The following KATNAL1 variants were observed in gnomAD, a reference collection of about 807,000 sequenced individuals.
KATNAL1 encodes katanin catalytic subunit A1 like 1, also known as katanin p60 ATPase-containing subunit A-like 1.
A neutral mutation model predicts 55.2 loss-of-function variants in KATNAL1; 32 were observed. The ratio of observed to expected loss-of-function variants is 0.58; its 90% CI spans 0.44 to 0.78. The LOEUF (loss-of-function observed/expected upper bound fraction) is 0.78, where lower values mean the gene tolerates loss of function less well. KATNAL1 is among the 30% of genes least tolerant of loss of function. The probability of loss-of-function intolerance (pLI) is 0.00; values close to 1 mark genes in which losing one functional copy is unlikely to be tolerated. For synonymous variants in KATNAL1, 193 were observed against 193.6 expected (o/e 1.00, Z 0.02); for missense variants, 466 against 600.9 (o/e 0.78, Z 2.35).
chr13:30,267,978 C>T (rs917686202), intron 3 of KATNAL1, among the ~76,000 whole-genome samples: 1 of 152,110 alleles, frequency 6.6e-6, no homozygotes, highest in Non-Finnish European at 1.5e-5. Context: ...TTGGTAAAAG[C>T]GTAGAATTTT....
chr13:30,230,792 G>A (rs143840521), intron 7 of KATNAL1, among the ~76,000 whole-genome samples, 198 bp from the exon 8 acceptor site: 1,534 of 152,208 alleles, frequency 0.01, 24 homozygotes, highest in African/African-American at 0.034. Flanking sequence ...TTATATGGCT[G>A]GTGAAGCTGG....
At chr13:30,277,369 AATGTTTAGAG>A (rs1159682608) in intron 3 of KATNAL1, among the ~76,000 whole-genome samples, 2 of 152,196 alleles carry the variant, frequency 1.3e-5, no homozygotes, top group African/African-American at 4.8e-5. Context: ...TAGTGAGACT[AATGTTTAGAG>A]AGGTTAAATA....
chr13:30,233,452 A>AG, intron 6 of KATNAL1, among the ~76,000 whole-genome samples: 1 of 152,146 alleles, frequency 6.6e-6, no homozygotes, highest in Non-Finnish European at 1.5e-5. Flanking sequence ...AAGATAGCTA[A>AG]TAATAGATGA....
rs1247780569 is a variant in KATNAL1 at position 30,206,689 on chromosome 13, A to G, written c.*1851T>C. Reference sequence around the variant, plus strand: ...AAAAACCACAATTACTTTTGCACCAACCCATTACAAACAAGTTTTAACAAT... The same window carrying G: ...AAAAACCACAATTACTTTTGCACCAGCCCATTACAAACAAGTTTTAACAAT... On this transcript the variant is annotated 3_prime_UTR_variant, in exon 11 of 11. Transcript: ENST00000380615. 1 of 152,126 alleles carries G rather than the reference A, an allele frequency of 6.6e-6. No individual in the cohort carries two copies. The highest frequency in any genetic ancestry group is 1.5e-5 in the Non-Finnish European group (1 of 67,996). 9.4% of individuals were successfully genotyped at this position (152,126 alleles called of 1,614,324 possible). A position where few individuals can be genotyped will look rare whatever the true frequency, so the allele number is the denominator to read the frequency against.
At chr13:30,300,820 A>G (rs1425936975) in intron 1 of KATNAL1, among the ~76,000 whole-genome samples, 2 of 152,252 alleles carry the variant, frequency 1.3e-5, no homozygotes, top group African/African-American at 4.8e-5. Flanking sequence ...GAATGTATGT[A>G]GTAATTAAGG....
At chr13:30,253,649 C>T (rs1432309692) in intron 4 of KATNAL1, among the ~76,000 whole-genome samples, 1 of 105,580 alleles carries the variant, frequency 9.5e-6, no homozygotes, top group Non-Finnish European at 1.8e-5. Context: ...TGGGCAAGAG[C>T]GAGACTCCAT....
chr13:30,282,555 T>C (rs564645580), intron 2 of KATNAL1, among the ~76,000 whole-genome samples: 1 of 151,986 alleles, frequency 6.6e-6, no homozygotes, highest in Middle Eastern at 3.4e-3. Context: ...GGAAGATCGC[T>C]TGAGCCCAGG....
intron 3 of KATNAL1, among the ~76,000 whole-genome samples, chr13:30,277,982 C>CAAAAAAA (rs55683675): frequency 4.7e-4 from 29 of 61,298 alleles, no homozygotes; most frequent in South Asian, 5.8e-4. Flanking sequence ...GACTCCGTCT[C>CAAAAAAA]AAAAAAAAAA....
intron 1 of KATNAL1, among the ~76,000 whole-genome samples, chr13:30,288,294 C>T (rs1881924595): frequency 6.6e-6 from 1 of 152,214 alleles, no homozygotes; most frequent in East Asian, 1.9e-4. Flanking sequence ...ATTTACGTGC[C>T]ATTATTTGCA....
chr13:30,261,243 G>T (rs1031995566), intron 3 of KATNAL1, among the ~76,000 whole-genome samples: 1 of 151,914 alleles, frequency 6.6e-6, no homozygotes, highest in Admixed American at 6.6e-5. Flanking sequence ...AGGAACAACC[G>T]ATACCAGCCG....
rs1185442426 is a variant in KATNAL1, at chr13:30,203,067, G to C, written c.*5473C>G. ...ATTTTTAATGTCATCAGGTTAGTTT[G>C]TATTTACAAAACTCTAAGAAAATAG... On this transcript the variant is annotated 3_prime_UTR_variant, in exon 11 of 11. Coordinates refer to ENST00000380615, the MANE Select transcript of KATNAL1 (RefSeq NM_032116.5). 6.6e-6 allele frequency: 1 copy of C among 152,188 alleles called. No homozygotes were observed. The highest frequency in any genetic ancestry group is 1.5e-5 in the Non-Finnish European group (1 of 68,028). 9.4% of individuals were successfully genotyped at this position (152,188 alleles called of 1,614,324 possible). A position where few individuals can be genotyped will look rare whatever the true frequency, so the allele number is the denominator to read the frequency against.
At chr13:30,243,018 G>C (rs1051786828) in intron 4 of KATNAL1, among the ~76,000 whole-genome samples, 3 of 152,074 alleles carry the variant, frequency 2.0e-5, no homozygotes, top group African/African-American at 7.2e-5. Flanking sequence ...AGGAAATAAA[G>C]CTAACCTCTC....
intron 1 of KATNAL1, among the ~76,000 whole-genome samples, chr13:30,306,279 A>G (rs1456415563): frequency 6.6e-6 from 1 of 152,224 alleles, no homozygotes; most frequent in Non-Finnish European, 1.5e-5. Context: ...AGAATTAACT[A>G]AATAATTAAA....
rs538810360 is a variant in KATNAL1 at position 30,270,130 on chromosome 13, C to G, written c.323+9933G>C. On this transcript the variant is annotated intron_variant, in intron 3 of 10. Coordinates refer to ENST00000380615, the MANE Select transcript of KATNAL1 (RefSeq NM_032116.5). ...CCCGTCCGGGAGGTGAGGGGCGCCT[C>G]TGCCCGGCCGCCCCTACTGGGAAGT... Among the ~76,000 whole-genome samples the G allele has an allele frequency of 6.6e-4, 91 of 137,680 alleles. 7 individuals are homozygous for G. The highest frequency in any genetic ancestry group is 3.8e-4 in the Non-Finnish European group (23 of 60,354). The allele number at this position is 137,680 out of a possible 152,430, so 90.3% of individuals were successfully genotyped here. A position where few individuals can be genotyped will look rare whatever the true frequency, so the allele number is the denominator to read the frequency against.
chr13:30,218,664 C>T (rs764109982), intron 9 of KATNAL1, among the ~76,000 whole-genome samples: 11 of 152,122 alleles, frequency 7.2e-5, no homozygotes, highest in African/African-American at 9.7e-5. Flanking sequence ...TCATAAAATT[C>T]GATGCCATTT....
chr13:30,283,562 A>G, intron 2 of KATNAL1, 54 bp downstream of exon 2: 2 of 1,522,696 alleles, frequency 1.3e-6, no homozygotes, highest in Non-Finnish European at 1.8e-6. Context: ...TAATCTCTCA[A>G]GTATAATAGG....
chr13:30,276,947 T>C (rs1242124228), intron 3 of KATNAL1, among the ~76,000 whole-genome samples: 1 of 152,226 alleles, frequency 6.6e-6, no homozygotes, highest in Non-Finnish European at 1.5e-5. Context: ...GATGATAATA[T>C]GCATATACAA....
chr13:30,241,178 T>C (rs1421009727), intron 4 of KATNAL1, 92 bp from the exon 5 acceptor site: 2 of 1,127,440 alleles, frequency 1.8e-6, no homozygotes, highest in Non-Finnish European at 2.5e-6. Flanking sequence ...GCCATCACTT[T>C]CTAAATAATT....
intron 1 of KATNAL1, among the ~76,000 whole-genome samples, chr13:30,298,930 T>C (rs780357207): frequency 6.6e-6 from 1 of 152,080 alleles, no homozygotes; most frequent in African/African-American, 2.4e-5. Flanking sequence ...CTGAGAATTT[T>C]CCAAAACTAA....
Sources: gnomAD v4.1 joint callset for allele counts (sites outside exome capture counted in the v4.1 genomes callset) on GRCh38, gnomAD v4.1.1 for gene constraint, MANE v1.5 for transcripts, NCBI Gene and HGNC (gene_info 2026-07-23, HGNC 2026-07-21) for gene names.